Variants in SIK3 observed in about 807,000 individuals in gnomAD.
The protein encoded by SIK3 is SIK family kinase 3.
In SIK3, 28 loss-of-function variants were observed where a neutral mutation model predicts 144.2. The observed-to-expected ratio is 0.19, with a 90% CI of 0.14 to 0.27. SIK3 has a LOEUF of 0.27. Among genes scored for constraint, SIK3 ranks in the 10% least tolerant of loss-of-function variants. The pLI, the probability that SIK3 is intolerant of heterozygous loss-of-function variation, is 1.00. For synonymous variants in SIK3, 686 were observed against 676.3 expected, an observed-to-expected ratio of 1.01 and a Z score of -0.22; for missense variants, 1,319 against 1,776.0, an observed-to-expected ratio of 0.74 and a Z score of 4.62.
At chr11:116,962,845 T>G (rs1949396153) in intron 1 of SIK3, among the ~76,000 whole-genome samples, 1 of 152,190 alleles carries the variant, frequency 6.6e-6, no homozygotes, top group African/African-American at 2.4e-5. Context: ...ATATTTTAGA[T>G]ATATTAGGCT....
chr11:117,005,336 G>GAAAAAAAAAAAAAAAAAAAAAAAA (rs35279676), intron 1 of SIK3, among the ~76,000 whole-genome samples: 1 of 55,966 alleles, frequency 1.8e-5, no homozygotes, highest in Non-Finnish European at 3.5e-5. Flanking sequence ...CCCCGTCTCA[G>GAAAAAAAAAAAAAAAAAAAAAAAA]AAAAAAAAAA....
intron 1 of SIK3, among the ~76,000 whole-genome samples, chr11:117,050,155 A>G (rs908447809): frequency 2.0e-5 from 3 of 151,812 alleles, no homozygotes; most frequent in South Asian, 2.1e-4. Flanking sequence ...CGGGCATGGT[A>G]GCAGGCACCT....
chr11:116,969,330 A>G (rs963316956), intron 1 of SIK3, among the ~76,000 whole-genome samples: 1 of 150,018 alleles, frequency 6.7e-6, no homozygotes, highest in African/African-American at 2.4e-5. Flanking sequence ...TTGCATAAAT[A>G]TTGTTCTAGG....
At chr11:116,894,167 T>C (rs1352982402) in intron 6 of SIK3, among the ~76,000 whole-genome samples, 1 of 152,162 alleles carries the variant, frequency 6.6e-6, no homozygotes, top group South Asian at 2.1e-4. Context: ...CCCTCTGGCT[T>C]ACCTCACCAG....
intron 1 of SIK3, among the ~76,000 whole-genome samples, chr11:116,989,043 T>C (rs1950414999): frequency 6.6e-6 from 1 of 151,294 alleles, no homozygotes; most frequent in South Asian, 2.1e-4. Context: ...AGTAAAGGAG[T>C]ATTCTCCTGT....
At chr11:116,857,681 G>A (rs1943029213) in intron 21 of SIK3, 129 bp downstream of exon 21, 1 of 1,430,976 alleles carries the variant, frequency 7.0e-7, no homozygotes, top group Non-Finnish European at 9.2e-7. Flanking sequence ...TTCTCCCCAA[G>A]AAGGTCGTGA....
chr11:116,885,979 T>C (rs1323818760), intron 6 of SIK3, among the ~76,000 whole-genome samples: 1 of 152,244 alleles, frequency 6.6e-6, no homozygotes, highest in Non-Finnish European at 1.5e-5. Flanking sequence ...GGTCAATAAA[T>C]GTTGACTATT....
chr11:117,024,356 T>C (rs972607753), intron 1 of SIK3, among the ~76,000 whole-genome samples: 1 of 148,248 alleles, frequency 6.7e-6, no homozygotes, highest in Non-Finnish European at 1.5e-5. Context: ...ATTGGCTGCA[T>C]AAATATACTA....
chr11:116,903,738 T>A (rs1488599444), intron 4 of SIK3, among the ~76,000 whole-genome samples: 1 of 152,122 alleles, frequency 6.6e-6, no homozygotes, highest in East Asian at 1.9e-4. Context: ...AACACCACCA[T>A]GCCTAGCTAT....
chr11:116,974,111 T>C (rs943536525), intron 1 of SIK3, among the ~76,000 whole-genome samples: 7 of 152,340 alleles, frequency 4.6e-5, no homozygotes, highest in East Asian at 1.9e-4. Context: ...CGTGGGGTAT[T>C]TGGGACCTCT....
At chr11:116,895,377 C>G (rs1945343021) in intron 6 of SIK3, among the ~76,000 whole-genome samples, 1 of 152,182 alleles carries the variant, frequency 6.6e-6, no homozygotes, top group African/African-American at 2.4e-5. Flanking sequence ...ACTATCCTAA[C>G]TCCTTCTCTA....
chr11:116,859,240 G>T, intron 20 of SIK3, 25 bp downstream of exon 20: 1 of 1,576,458 alleles, frequency 6.3e-7, no homozygotes, highest in Non-Finnish European at 8.7e-7. Context: ...TGCATAGATG[G>T]CTGGGTGACG....
intron 1 of SIK3, among the ~76,000 whole-genome samples, chr11:116,982,445 C>G (rs1239616979): frequency 6.6e-6 from 1 of 152,084 alleles, no homozygotes; most frequent in African/African-American, 2.4e-5. Flanking sequence ...CCTACCACTA[C>G]GCCCAGCTAA....
chr11:117,023,596 ACAAACAAACAAAC>A (rs1323384590), intron 1 of SIK3, among the ~76,000 whole-genome samples: 1,550 of 52,614 alleles, frequency 0.029, 25 homozygotes, highest in African/African-American at 0.065. Flanking sequence ...AAACAAACAA[ACAAACAAACAAAC>A]AAAAAAAAAA....
intron 3 of SIK3, among the ~76,000 whole-genome samples, chr11:116,934,043 C>G (rs77854244): frequency 0.02 from 3,030 of 152,250 alleles, 109 homozygotes; most frequent in African/African-American, 0.069. Flanking sequence ...GAGGTCTTTC[C>G]TATCTCTATT....
intron 21 of SIK3, among the ~76,000 whole-genome samples, chr11:116,856,242 C>T (rs1002358301): frequency 2.0e-5 from 3 of 151,846 alleles, no homozygotes; most frequent in Non-Finnish European, 4.4e-5. Context: ...CTTTTCATGC[C>T]AACTATAGTG....
At chr11:116,929,077 G>A (rs887892123) in intron 3 of SIK3, among the ~76,000 whole-genome samples, 1 of 152,274 alleles carries the variant, frequency 6.6e-6, no homozygotes, top group African/African-American at 2.4e-5. Flanking sequence ...TAAACAACAC[G>A]AAGTCCAAAC....
chr11:116,909,568 A>G (rs1946229352), intron 4 of SIK3, among the ~76,000 whole-genome samples: 1 of 152,240 alleles, frequency 6.6e-6, no homozygotes, highest in African/African-American at 2.4e-5. Context: ...AATGAAAGAC[A>G]AAAGAGACAA....
chr11:116,930,700 C>A (rs1300140112), intron 3 of SIK3, among the ~76,000 whole-genome samples: 1 of 152,176 alleles, frequency 6.6e-6, no homozygotes, highest in Non-Finnish European at 1.5e-5. Flanking sequence ...TACTGAGACA[C>A]AAATACTACC....
Sources: allele counts gnomAD v4.1 joint callset (sites outside exome capture counted in the v4.1 genomes callset), GRCh38; gene constraint gnomAD v4.1.1; transcripts MANE v1.5; gene names NCBI Gene and HGNC (gene_info 2026-07-23, HGNC 2026-07-21).